IGSF10: variants seen among roughly 807,000 people sequenced by gnomAD.
IGSF10 encodes immunoglobulin superfamily member 10.
IGSF10 carries 126 observed loss-of-function variants against 128.2 expected under a neutral mutation model. The ratio of observed to expected loss-of-function variants is 0.98; its 90% CI spans 0.85 to 1.14. IGSF10 has a LOEUF of 1.14. Among genes scored for constraint, IGSF10 ranks in the 50% most tolerant of loss-of-function variants. The pLI is 0.00. For missense variants in IGSF10, 3,295 were observed against 3,149.8 expected (o/e 1.05, Z -1.10); for synonymous variants, 1,185 against 1,146.2 (o/e 1.03, Z -0.68).
rs1256286027 is a variant in IGSF10 at position 151,446,470 on chromosome 3, C to G, written c.3511G>C (p.Ala1171Pro). ...GATGTAATCACTGAATCTCTTTTAG[C>G]TTCATTGGTGCTAGACACACGTGGG... ...SYPRVSSTNEAKRDSVITSSL... is the reference protein window; with the variant it reads ...SYPRVSSTNEPKRDSVITSSL... Residue 1171 changes from alanine (A) to proline (P), a missense_variant, in exon 6 of 8, where the codon GCT becomes CCT. By Grantham distance (27) the Ala-to-Pro change is conservative (BLOSUM62 -1). Transcript: ENST00000282466. The G allele has an allele frequency of 6.2e-7, 1 of 1,614,096 alleles. No individual in the cohort carries two copies. Among genetic ancestry groups the G allele is most frequent in the East Asian group, 2.2e-5 (1 of 44,882 alleles).
At chr3:151,571,346 A>T in the IGSF10 span, among the ~76,000 whole-genome samples, 1 of 151,140 alleles carries the variant, frequency 6.6e-6, no homozygotes, top group South Asian at 2.1e-4. Context: ...CACGATATTG[A>T]TTCCATAAGC....
At chr3:151,617,320 C>CTTCTTCTTCTTCTTCTTCTTCT in the IGSF10 span, among the ~76,000 whole-genome samples, 230 of 83,624 alleles carry the variant, frequency 2.8e-3, 27 homozygotes, top group East Asian at 0.019. Flanking sequence ...CTTCTTCTTC[C>CTTCTTCTTCTTCTTCTTCTTCT]CCTCCTCCTC....
chr3:151,442,813 T>A (rs1720939018), intron 7 of IGSF10, among the ~76,000 whole-genome samples, 171 bp downstream of exon 7: 1 of 152,236 alleles, frequency 6.6e-6, no homozygotes, highest in Admixed American at 6.5e-5. Flanking sequence ...ATGGTTTTTG[T>A]ATTCAAATGA....
chr3:151,527,238 C>G, the IGSF10 span, among the ~76,000 whole-genome samples: 2 of 152,172 alleles, frequency 1.3e-5, no homozygotes, highest in African/African-American at 4.8e-5. Flanking sequence ...CTCACCTAAC[C>G]TAATAGGCCC....
the IGSF10 span, among the ~76,000 whole-genome samples, chr3:151,523,113 G>A: frequency 2.0e-5 from 3 of 151,988 alleles, no homozygotes; most frequent in Non-Finnish European, 2.9e-5. Flanking sequence ...TAACCAGGGA[G>A]CTGAAAGGTT....
At chr3:151,483,629 G>C in the IGSF10 span, among the ~76,000 whole-genome samples, 3 of 152,106 alleles carry the variant, frequency 2.0e-5, no homozygotes, top group African/African-American at 7.2e-5. Flanking sequence ...ATCTCACTGG[G>C]ACTGGTTGGA....
In IGSF10 at chr3:151,445,527, GCT is replaced by G. The variant is rs758158018; in HGVS notation, c.4452_4453del (p.Arg1484SerfsTer4). ...GGGAGTCGCCACGTTGTCAGTAACT[GCT>G]CTCTGAGTAAAGGGAGGGGAGATGG... On this transcript the variant is annotated frameshift_variant, in exon 6 of 8. Transcript: ENST00000282466. LOFTEE classifies it high-confidence loss of function. The G allele has an allele frequency of 1.2e-5, 20 of 1,614,174 alleles. No individual in the cohort carries two copies. The highest frequency in any genetic ancestry group is 1.6e-5 in the Non-Finnish European group (19 of 1,180,026).
the IGSF10 span, among the ~76,000 whole-genome samples, chr3:151,498,465 G>T: frequency 6.6e-6 from 1 of 152,090 alleles, no homozygotes; most frequent in African/African-American, 2.4e-5. Context: ...TATCCACCAT[G>T]ATCAAGTGGG....
At chr3:151,569,568 G>A in the IGSF10 span, among the ~76,000 whole-genome samples, 111,478 of 151,938 alleles carry the variant, frequency 0.73, 41,039 homozygotes, top group African/African-American at 0.79. Flanking sequence ...CAATGCCTTG[G>A]CTTTCAGGGA....
chr3:151,607,730 T>C, the IGSF10 span, among the ~76,000 whole-genome samples: 3 of 150,996 alleles, frequency 2.0e-5, no homozygotes, highest in Admixed American at 2.0e-4. Context: ...GCTAATACGG[T>C]GAAACCCCGT....
In IGSF10 at chr3:151,458,458, C is replaced by A; in HGVS notation, c.194+58G>T. On this transcript the variant is annotated intron_variant, in intron 3 of 7. Coordinates refer to ENST00000282466, the MANE Select transcript of IGSF10 (RefSeq NM_178822.5). ...CCCAAAGTCATAGATGTTTGAGGGA[C>A]AAGTCACTGCTGCGACTGATCCCTC... The A allele has an allele frequency of 2.4e-6, 3 of 1,238,354 alleles. No individual in the cohort carries two copies. The East Asian group carries it at 7.5e-5, about 31-fold the overall frequency. The allele number at this position is 1,238,354 out of a possible 1,614,324, so 76.7% of individuals were successfully genotyped here. A position where few individuals can be genotyped will look rare whatever the true frequency, so the allele number is the denominator to read the frequency against.
chr3:151,558,441 C>T, the IGSF10 span, among the ~76,000 whole-genome samples: 165 of 152,112 alleles, frequency 1.1e-3, no homozygotes, highest in African/African-American at 3.8e-3. Flanking sequence ...CAAGACACTG[C>T]CAAGCACATA....
Position 151,438,168 on chromosome 3 carries a change from C to G in IGSF10, c.6393G>C (p.Lys2131Asn). Residue 2131 changes from lysine to asparagine, a missense_variant, in exon 8 of 8, where the codon AAG (lysine) becomes AAC (asparagine). Lys to Asn is a moderately conservative substitution (Grantham distance 94, BLOSUM62 0). Transcript: ENST00000282466. ...AQNTLGKDEM[K>N]VHLTVITAAP... ...CAGCTGTTATAACTGTTAAGTGGAC[C>G]TTCATTTCATCTTTCCCTAGGGTGT... is the stretch of plus-strand genomic sequence containing the variant. The G allele has an allele frequency of 6.2e-7, 1 of 1,614,050 alleles. No individual in the cohort carries two copies. The highest frequency in any genetic ancestry group is 2.2e-5 in the East Asian group (1 of 44,866).
chr3:151,553,350 T>C, the IGSF10 span, among the ~76,000 whole-genome samples: 3 of 152,162 alleles, frequency 2.0e-5, no homozygotes, highest in East Asian at 1.9e-4. Flanking sequence ...ATAATCTTTC[T>C]TGAGTTTTCA....
the IGSF10 span, among the ~76,000 whole-genome samples, chr3:151,589,957 C>CT: frequency 4.6e-5 from 7 of 150,928 alleles, no homozygotes; most frequent in Non-Finnish European, 8.9e-5. Context: ...AAAGAGTTTA[C>CT]TTTTTTTTTA....
At chr3:151,617,824 T>A in the IGSF10 span, among the ~76,000 whole-genome samples, 1 of 152,140 alleles carries the variant, frequency 6.6e-6, no homozygotes, top group Non-Finnish European at 1.5e-5. Flanking sequence ...CCCTCATGAA[T>A]GGATAAATAG....
intron 5 of IGSF10, among the ~76,000 whole-genome samples, chr3:151,449,949 C>G (rs1721432548): frequency 6.6e-6 from 1 of 152,152 alleles, no homozygotes; most frequent in African/African-American, 2.4e-5. Context: ...CGTTTTATGA[C>G]TTTGGAAACT....
the IGSF10 span, among the ~76,000 whole-genome samples, chr3:151,469,101 G>A: frequency 6.6e-6 from 1 of 152,184 alleles, no homozygotes; most frequent in Non-Finnish European, 1.5e-5. Context: ...GTATTTCATG[G>A]TGTATACTTA....
In IGSF10 at chr3:151,445,807, C is replaced by T; in HGVS notation, c.4174G>A (p.Ala1392Thr). ...AETSVKPSVSAFTHSPPENTT... is the reference protein window; with the variant it reads ...AETSVKPSVSTFTHSPPENTT... Reference sequence around the variant, plus strand: ...TTTTCTGGTGGGGAATGAGTGAATGCAGAGACACTGGGCTTGACTGAAGTT... The same window carrying T: ...TTTTCTGGTGGGGAATGAGTGAATGTAGAGACACTGGGCTTGACTGAAGTT... The change falls in exon 6 of 8, where the codon GCA becomes ACA. Residue 1392 changes from alanine to threonine, a missense_variant. Ala to Thr is a moderately conservative substitution (Grantham distance 58, BLOSUM62 0). Transcript: ENST00000282466. 6.2e-7 allele frequency: 1 copy of T among 1,614,196 alleles called. No homozygotes were observed. Among genetic ancestry groups the T allele is most frequent in the Non-Finnish European group, 8.5e-7 (1 of 1,180,040 alleles).
Sources: gnomAD v4.1 joint callset for allele counts (sites outside exome capture counted in the v4.1 genomes callset) on GRCh38, gnomAD v4.1.1 for gene constraint, MANE v1.5 for transcripts, NCBI Gene and HGNC (gene_info 2026-07-23, HGNC 2026-07-21) for gene names.